Variants in HMGCLL1 observed in about 807,000 individuals in gnomAD.
The protein encoded by HMGCLL1 is 3-hydroxy-3-methylglutaryl-CoA lyase like 1, also known as 3-hydroxymethyl-3-methylglutaryl-CoA lyase, cytoplasmic.
HMGCLL1 carries 36 observed loss-of-function variants against 39.1 expected under a neutral mutation model. That is an observed-to-expected ratio of 0.92 (90% confidence interval 0.71 to 1.22). The LOEUF (loss-of-function observed/expected upper bound fraction) is 1.22, where lower values mean the gene tolerates loss of function less well. HMGCLL1 is among the 50% of genes most tolerant of loss of function. The probability of loss-of-function intolerance (pLI) is 0.00; values close to 1 mark genes in which losing one functional copy is unlikely to be tolerated. For synonymous variants in HMGCLL1, 149 were observed against 144.0 expected (o/e 1.03, Z -0.25); for missense variants, 451 against 416.5 (o/e 1.08, Z -0.72).
At chr6:55,473,582 C>T (rs1426117712) in intron 7 of HMGCLL1, among the ~76,000 whole-genome samples, 1 of 151,430 alleles carries the variant, frequency 6.6e-6, no homozygotes. Flanking sequence ...ACATATGCTA[C>T]AATTACCCTG....
the HMGCLL1 span, among the ~76,000 whole-genome samples, chr6:55,640,862 G>A: frequency 6.6e-6 from 1 of 151,670 alleles, no homozygotes; most frequent in African/African-American, 2.4e-5. Flanking sequence ...CCAAACCCAC[G>A]ATTGACTTAA....
At chr6:55,572,907 G>GA (rs201777962) in intron 1 of HMGCLL1, among the ~76,000 whole-genome samples, 1 of 152,060 alleles carries the variant, frequency 6.6e-6, no homozygotes. Flanking sequence ...CTATGCAGGA[G>GA]AAAAAAATAA....
intron 3 of HMGCLL1, among the ~76,000 whole-genome samples, chr6:55,526,083 T>C (rs1234269688): frequency 6.6e-6 from 1 of 151,868 alleles, no homozygotes; most frequent in Non-Finnish European, 1.5e-5. Flanking sequence ...TATCATCTTC[T>C]TACTACTGAG....
Position 55,463,771 on chromosome 6 carries a change from G to A in HMGCLL1, c.796-24212C>T, listed in dbSNP as rs145909608. ...TGTTCTGTTTTTGATTGAGCTGTCCGTTTTTCTGCTCCACGTATTCCTGCT... is the reference window on the plus strand; with the variant it reads ...TGTTCTGTTTTTGATTGAGCTGTCCATTTTTCTGCTCCACGTATTCCTGCT... On this transcript the variant is annotated intron_variant, in intron 7 of 8. Transcript: ENST00000274901. Among the ~76,000 whole-genome samples, 10 of 152,218 alleles carry A rather than the reference G, an allele frequency of 6.6e-5. No homozygotes were observed. The East Asian group carries it at 1.5e-3, about 23-fold the overall frequency.
At chr6:55,619,455 AG>A in the HMGCLL1 span, among the ~76,000 whole-genome samples, 6 of 151,968 alleles carry the variant, frequency 3.9e-5, no homozygotes, top group Non-Finnish European at 8.8e-5. Context: ...GGCACATGGG[AG>A]GGGGGTTCTG....
At chr6:55,664,665 G>A in the HMGCLL1 span, among the ~76,000 whole-genome samples, 1 of 151,692 alleles carries the variant, frequency 6.6e-6, no homozygotes, top group African/African-American at 2.4e-5. Flanking sequence ...ATTTCCGTGG[G>A]TCAGGAATCT....
At chr6:55,566,147 CCAGACTCTGTA>C (rs1316296485) in intron 1 of HMGCLL1, among the ~76,000 whole-genome samples, 1 of 152,048 alleles carries the variant, frequency 6.6e-6, no homozygotes, top group African/African-American at 2.4e-5. Context: ...AAAGTGAATG[CCAGACTCTGTA>C]CACCCAGTGG....
chr6:55,656,715 G>T, the HMGCLL1 span, among the ~76,000 whole-genome samples: 2 of 151,990 alleles, frequency 1.3e-5, no homozygotes, highest in African/African-American at 2.4e-5. Flanking sequence ...ACTATCGAAG[G>T]TTTCTTTTTT....
At chr6:55,528,435 T>TGAAA (rs1581902227) in intron 3 of HMGCLL1, among the ~76,000 whole-genome samples, 1 of 151,924 alleles carries the variant, frequency 6.6e-6, no homozygotes, top group East Asian at 1.9e-4. Flanking sequence ...CAACCCTGGG[T>TGAAA]GAAAATGCTG....
intron 7 of HMGCLL1, among the ~76,000 whole-genome samples, chr6:55,483,432 A>T (rs1243609680): frequency 6.6e-6 from 1 of 151,940 alleles, no homozygotes; most frequent in East Asian, 1.9e-4. Flanking sequence ...TGCCTGGCTA[A>T]TTTTTGTATT....
chr6:55,587,563 T>C, the HMGCLL1 span, among the ~76,000 whole-genome samples: 2 of 152,060 alleles, frequency 1.3e-5, no homozygotes, highest in African/African-American at 4.8e-5. Context: ...ATATTAACCT[T>C]AAATGTAAAT....
At chr6:55,536,867 A>G (rs1290792676) in intron 3 of HMGCLL1, among the ~76,000 whole-genome samples, 2 of 152,182 alleles carry the variant, frequency 1.3e-5, no homozygotes, top group Non-Finnish European at 2.9e-5. Context: ...AATCCTAAAA[A>G]AAGAAATAAG....
intron 3 of HMGCLL1, among the ~76,000 whole-genome samples, chr6:55,525,146 A>C (rs143603208): frequency 1.1e-4 from 16 of 151,770 alleles, no homozygotes; most frequent in Non-Finnish European, 1.5e-5. Context: ...CCTTACTTCA[A>C]TCCACAGACT....
intron 3 of HMGCLL1, among the ~76,000 whole-genome samples, chr6:55,537,416 C>T (rs1054110328): frequency 6.6e-6 from 1 of 152,096 alleles, no homozygotes; most frequent in Non-Finnish European, 1.5e-5. Flanking sequence ...ATTTGAAAGG[C>T]AAAATATCTT....
At chr6:55,609,186 G>T in the HMGCLL1 span, among the ~76,000 whole-genome samples, 1 of 152,140 alleles carries the variant, frequency 6.6e-6, no homozygotes, top group African/African-American at 2.4e-5. Flanking sequence ...CTGAGGGAGG[G>T]GCAGCCATCA....
intron 5 of HMGCLL1, among the ~76,000 whole-genome samples, chr6:55,499,722 C>G (rs2127426739): frequency 6.6e-6 from 1 of 152,134 alleles, no homozygotes; most frequent in South Asian, 2.1e-4. Flanking sequence ...TCTTCTTACT[C>G]CCATCTGGAT....
chr6:55,587,372 G>A, the HMGCLL1 span, among the ~76,000 whole-genome samples: 6 of 151,984 alleles, frequency 3.9e-5, no homozygotes, highest in Non-Finnish European at 7.4e-5. Flanking sequence ...AATGTTGAGA[G>A]ATTTTGTCAC....
intron 1 of HMGCLL1, among the ~76,000 whole-genome samples, chr6:55,561,163 T>C (rs1005676603): frequency 1.3e-5 from 2 of 152,196 alleles, no homozygotes; most frequent in African/African-American, 4.8e-5. Context: ...AAACAAATAG[T>C]ATGTAATGTT....
chr6:55,613,707 C>T, the HMGCLL1 span, among the ~76,000 whole-genome samples: 1 of 152,088 alleles, frequency 6.6e-6, no homozygotes, highest in African/African-American at 2.4e-5. Flanking sequence ...TTTTCTCACT[C>T]ATAAGTGGGA....
Sources: gnomAD v4.1 joint callset for allele counts (sites outside exome capture counted in the v4.1 genomes callset) on GRCh38, gnomAD v4.1.1 for gene constraint, MANE v1.5 for transcripts, NCBI Gene and HGNC (gene_info 2026-07-23, HGNC 2026-07-21) for gene names.